The following NWD1 variants were observed in gnomAD, a reference collection of about 807,000 sequenced individuals.
The protein encoded by NWD1 is NACHT domain- and WD repeat-containing protein 1.
NWD1 carries 129 observed loss-of-function variants against 135.1 expected under a neutral mutation model. That is an observed-to-expected ratio of 0.96 (90% CI 0.83 to 1.11). NWD1 has a LOEUF of 1.11. Among genes scored for constraint, NWD1 ranks in the 50% least tolerant of loss-of-function variants. The pLI is 0.00. For synonymous variants in NWD1, 773 were observed against 786.0 expected (o/e 0.98, Z 0.28); for missense variants, 1,740 against 1,851.3 (o/e 0.94, Z 1.10).
intron 11 of NWD1, among the ~76,000 whole-genome samples, chr19:16,776,547 G>C (rs1365250702): frequency 6.8e-6 from 1 of 146,272 alleles, no homozygotes; most frequent in Non-Finnish European, 1.5e-5. Context: ...CAGCCTGGGC[G>C]AAAGAGTAAA....
chr19:16,801,960 AGCCTGG>A (rs1347629618), intron 17 of NWD1, among the ~76,000 whole-genome samples: 8 of 152,004 alleles, frequency 5.3e-5, no homozygotes, highest in Admixed American at 4.6e-4. Context: ...GTTCAAGACC[AGCCTGG>A]GCAACATGGA....
chr19:16,764,593 TCATC>T (rs1969150414), intron 9 of NWD1, among the ~76,000 whole-genome samples: 1 of 148,586 alleles, frequency 6.7e-6, no homozygotes, highest in Admixed American at 6.7e-5. Context: ...ACCTTTCTGG[TCATC>T]CATCCATCCA....
At chr19:16,748,565 G>A (rs1599459136) in intron 5 of NWD1, among the ~76,000 whole-genome samples, 1 of 152,014 alleles carries the variant, frequency 6.6e-6, no homozygotes, top group African/African-American at 2.4e-5. Flanking sequence ...AGTGGCTCAC[G>A]CCTGTAATCC....
At chr19:16,754,695 C>T (rs1968718236) in intron 6 of NWD1, among the ~76,000 whole-genome samples, 1 of 151,416 alleles carries the variant, frequency 6.6e-6, no homozygotes, top group African/African-American at 2.4e-5. Flanking sequence ...ATCCATCCAT[C>T]ATCTCTAGCA....
Position 16,807,992 on chromosome 19 carries a change from G to T in NWD1, c.4143G>T (p.Ala1381=), listed in dbSNP as rs375858553. Residue 1381 remains alanine, a synonymous_variant, in exon 18 of 19, where the codon GCG becomes GCT. Coordinates refer to ENST00000524140, the MANE Select transcript of NWD1 (RefSeq NM_001007525.5). The part of the protein sequence containing the change: ...LFLYECATSK[A]FPLETHRSRV... ...TTTACGAGTGTGCAACTTCCAAAGC[G>T]TTTCCCTTGGAGACCCACAGGAGCC... 1 of 1,613,988 alleles carries T rather than the reference G, an allele frequency of 6.2e-7. No homozygotes were observed. The highest frequency in any genetic ancestry group is 1.3e-5 in the African/African-American group (1 of 74,912).
At chr19:16,791,757 A>G in intron 14 of NWD1, 135 bp downstream of exon 14, 4 of 895,126 alleles carry the variant, frequency 4.5e-6, no homozygotes, top group Admixed American at 4.4e-5. Flanking sequence ...TTTGTTGCCC[A>G]GGCTGGAGTG....
At chr19:16,788,804 T>C (rs183125615) in intron 12 of NWD1, among the ~76,000 whole-genome samples, 178 bp from the exon 13 acceptor site, 1 of 152,254 alleles carries the variant, frequency 6.6e-6, no homozygotes, top group African/African-American at 2.4e-5. Flanking sequence ...TATAGCCTGT[T>C]TGCCAGGGTT....
intron 16 of NWD1, among the ~76,000 whole-genome samples, chr19:16,798,348 G>A (rs1456752884): frequency 1.2e-4 from 18 of 152,112 alleles, no homozygotes; most frequent in Admixed American, 1.2e-3. Context: ...AGTGGCTCAT[G>A]CCTGTAATCC....
intron 11 of NWD1, 30 bp from the exon 12 acceptor site, chr19:16,779,313 A>G (rs753987400): frequency 6.2e-7 from 1 of 1,613,136 alleles, no homozygotes; most frequent in Non-Finnish European, 8.5e-7. Flanking sequence ...AGGAACTGAG[A>G]TCATTGCTGT....
At position 16,722,316 on chromosome 19, in the gene NWD1, T is replaced by C. The variant is rs1163114926; in HGVS notation, c.-105+2023T>C. Reference sequence around the variant, plus strand: ...TTGACTTTTTTTTTTTTTGAGACGGTCTTGCTCTGTCACCCAGGATGGAGT... The same window carrying C: ...TTGACTTTTTTTTTTTTTGAGACGGCCTTGCTCTGTCACCCAGGATGGAGT... On this transcript the variant is annotated intron_variant, in intron 1 of 18. Transcript: ENST00000524140. Among the ~76,000 whole-genome samples the C allele has an allele frequency of 2.7e-5, 4 of 149,372 alleles. No homozygotes were observed. In the East Asian group the frequency reaches 8.4e-4, roughly 31 times the overall value.
At chr19:16,743,742 G>A (rs1265131705) in intron 4 of NWD1, among the ~76,000 whole-genome samples, 1 of 151,874 alleles carries the variant, frequency 6.6e-6, no homozygotes, top group Non-Finnish European at 1.5e-5. Flanking sequence ...GACTGCGGTG[G>A]CACCATGTCG....
intron 15 of NWD1, among the ~76,000 whole-genome samples, chr19:16,794,784 A>C (rs1970366133): frequency 6.6e-6 from 1 of 151,918 alleles, no homozygotes; most frequent in Admixed American, 6.6e-5. Context: ...TTTTTCTATT[A>C]TTTTTCTTTT....
intron 4 of NWD1, among the ~76,000 whole-genome samples, chr19:16,738,866 T>C (rs2122743260): frequency 7.0e-6 from 1 of 141,892 alleles, no homozygotes; most frequent in East Asian, 2.0e-4. Flanking sequence ...TTATCTATAA[T>C]ATATAATACA....
chr19:16,755,251 C>G (rs187270533), intron 6 of NWD1, among the ~76,000 whole-genome samples: 248 of 152,222 alleles, frequency 1.6e-3, no homozygotes, highest in African/African-American at 5.6e-3. Flanking sequence ...GTCTCACTCT[C>G]TTGACCCAGA....
intron 14 of NWD1, 43 bp from the exon 15 acceptor site, chr19:16,794,420 T>G: frequency 8.7e-7 from 1 of 1,152,446 alleles, no homozygotes; most frequent in East Asian, 2.4e-5. Context: ...TTGTAACCCT[T>G]AACCCGTGGA....
intron 4 of NWD1, chr19:16,738,125 G>C (rs762733094): frequency 3.6e-4 from 140 of 390,806 alleles, no homozygotes; most frequent in African/African-American, 1.7e-3. Context: ...TTTACACATT[G>C]TTTAGCCCTG....
At chr19:16,798,009 G>A (rs1056184213) in intron 16 of NWD1, 123 bp downstream of exon 16, 2 of 857,376 alleles carry the variant, frequency 2.3e-6, no homozygotes, top group African/African-American at 3.4e-5. Context: ...AAATAGGTGA[G>A]TTCATTGGGA....
chr19:16,725,375 G>A (rs966678658), intron 2 of NWD1, among the ~76,000 whole-genome samples: 34 of 151,584 alleles, frequency 2.2e-4, no homozygotes, highest in African/African-American at 8.2e-4. Flanking sequence ...CTACTTGGGA[G>A]GCTGAGATGG....
chr19:16,805,567 A>G (rs1823384174), intron 17 of NWD1, among the ~76,000 whole-genome samples: 1 of 151,984 alleles, frequency 6.6e-6, no homozygotes, highest in South Asian at 2.1e-4. Context: ...CCTGGTCTCA[A>G]GCCATCCTCT....
Sources: gnomAD v4.1 joint callset for allele counts (sites outside exome capture counted in the v4.1 genomes callset) on GRCh38, gnomAD v4.1.1 for gene constraint, MANE v1.5 for transcripts, NCBI Gene and HGNC (gene_info 2026-07-23, HGNC 2026-07-21) for gene names.